NPR3: variants seen among roughly 807,000 people sequenced by gnomAD.
NPR3 encodes natriuretic peptide receptor 3, also known as atrial natriuretic peptide receptor 3.
NPR3 carries 34 observed loss-of-function variants against 54.5 expected under a neutral mutation model. The ratio of observed to expected loss-of-function variants is 0.62; its 90% CI spans 0.47 to 0.83. NPR3 has a LOEUF of 0.83. Among genes scored for constraint, NPR3 ranks in the 40% least tolerant of loss-of-function variants. NPR3 has a pLI of 0.00. For synonymous variants in NPR3, 289 were observed against 297.1 expected, an observed-to-expected ratio of 0.97 and a Z score of 0.28; for missense variants, 674 against 720.8, an observed-to-expected ratio of 0.94 and a Z score of 0.74.
At chr5:32,786,014 C>T (rs1244001789) in intron 7 of NPR3, among the ~76,000 whole-genome samples, 3 of 152,188 alleles carry the variant, frequency 2.0e-5, no homozygotes, top group African/African-American at 7.2e-5. Context: ...AAGGGGAAGG[C>T]TTGTTCTGTG....
intron 6 of NPR3, among the ~76,000 whole-genome samples, chr5:32,783,858 C>T (rs953321163): frequency 2.6e-5 from 4 of 152,088 alleles, no homozygotes; most frequent in African/African-American, 9.7e-5. Context: ...GAAATGTGCC[C>T]ACCTAAGCGT....
chr5:32,782,821 C>G, intron 5 of NPR3, 72 bp from the exon 6 acceptor site: 1 of 1,413,932 alleles, frequency 7.1e-7, no homozygotes, highest in African/African-American at 1.4e-5. Context: ...TGGGGAATAG[C>G]TGTGGAAGGC....
upstream of NPR3, among the ~76,000 whole-genome samples, chr5:32,707,458 T>C (rs894058021): frequency 4.6e-5 from 7 of 152,178 alleles, no homozygotes; most frequent in South Asian, 2.1e-4. Context: ...TGATTTTTTT[T>C]CCCCACTTCT....
chr5:32,765,560 C>T (rs1173731), intron 3 of NPR3, among the ~76,000 whole-genome samples: 7 of 152,110 alleles, frequency 4.6e-5, no homozygotes, highest in Non-Finnish European at 8.8e-5. Context: ...CCCAGTGTAA[C>T]AAAGATACCT....
At position 32,738,793 on chromosome 5, in the gene NPR3, A is replaced by T. The variant is rs1036706345; in HGVS notation, c.893-71A>T. Reference sequence around the variant, plus strand: ...AAAGTAACATGCGGGGGCGCCTCACAGTTGTGAAGGGAGAATGGCCTCTTT... The same window carrying T: ...AAAGTAACATGCGGGGGCGCCTCACTGTTGTGAAGGGAGAATGGCCTCTTT... On this transcript the variant is annotated intron_variant, in intron 2 of 7. Coordinates refer to ENST00000265074, the MANE Select transcript of NPR3 (RefSeq NM_001204375.2). The T allele has an allele frequency of 1.4e-5, 19 of 1,388,606 alleles. No homozygotes were observed. In the African/African-American group the frequency reaches 2.5e-4, roughly 18 times the overall value. 86.0% of individuals were successfully genotyped at this position (1,388,606 alleles called of 1,614,324 possible).
At chr5:32,738,544 C>T (rs1739871384) in intron 2 of NPR3, among the ~76,000 whole-genome samples, 1 of 152,172 alleles carries the variant, frequency 6.6e-6, no homozygotes, top group Admixed American at 6.5e-5. Flanking sequence ...GGAATAAAAA[C>T]TGAGTTCTTT....
chr5:32,725,093 A>G (rs905075584), intron 2 of NPR3, among the ~76,000 whole-genome samples: 1 of 150,686 alleles, frequency 6.6e-6, no homozygotes, highest in African/African-American at 2.4e-5. Flanking sequence ...GGACATAAAC[A>G]TGGGAACAAT....
intron 2 of NPR3, among the ~76,000 whole-genome samples, chr5:32,728,835 GTGTATATATATATATATATATA>G (rs59024857): frequency 0.043 from 2,598 of 60,742 alleles, 193 homozygotes; most frequent in African/African-American, 0.15. Context: ...GTGTGTGTGT[GTGTATATATATATATATATATA>G]TATATATATA....
chr5:32,766,516 T>C (rs1017927895), intron 3 of NPR3, among the ~76,000 whole-genome samples: 6 of 152,230 alleles, frequency 3.9e-5, no homozygotes, highest in African/African-American at 1.4e-4. Context: ...TTAGATTATA[T>C]AAAAAGTTTT....
chr5:32,736,183 A>G (rs1291199968), intron 2 of NPR3, among the ~76,000 whole-genome samples: 2 of 146,784 alleles, frequency 1.4e-5, no homozygotes, highest in Non-Finnish European at 3.0e-5. Context: ...GTGAGCTGAG[A>G]TCATGCCACT....
At chr5:32,695,978 T>G (rs905894828) in intron 1 of NPR3, among the ~76,000 whole-genome samples, 1 of 152,222 alleles carries the variant, frequency 6.6e-6, no homozygotes, top group African/African-American at 2.4e-5. Flanking sequence ...CGGGCTGCCT[T>G]CACTTTGTTG....
chr5:32,744,270 CGTGAG>C (rs1285791748), intron 3 of NPR3, among the ~76,000 whole-genome samples: 1 of 152,116 alleles, frequency 6.6e-6, no homozygotes, highest in African/African-American at 2.4e-5. Flanking sequence ...GGATTACAGG[CGTGAG>C]CCATCTCGCC....
chr5:32,766,440 C>A (rs1310758014), intron 3 of NPR3, among the ~76,000 whole-genome samples: 1 of 152,160 alleles, frequency 6.6e-6, no homozygotes, highest in Non-Finnish European at 1.5e-5. Context: ...TGACAGTCAG[C>A]ATGTTTCTGT....
intron 2 of NPR3, among the ~76,000 whole-genome samples, chr5:32,730,658 T>C (rs1318943405): frequency 6.6e-6 from 1 of 152,210 alleles, no homozygotes; most frequent in Non-Finnish European, 1.5e-5. Context: ...CAAAAATCAC[T>C]TGTGTTTCTA....
intron 3 of NPR3, among the ~76,000 whole-genome samples, chr5:32,743,242 A>G (rs1443864999): frequency 6.6e-6 from 1 of 152,184 alleles, no homozygotes; most frequent in Admixed American, 6.5e-5. Flanking sequence ...TGCAGTTTTA[A>G]GATGCAATAC....
chr5:32,722,679 T>A (rs760860717), intron 1 of NPR3, among the ~76,000 whole-genome samples: 21 of 152,184 alleles, frequency 1.4e-4, no homozygotes, highest in Non-Finnish European at 2.2e-4. Context: ...GGAATCCACA[T>A]TCTTCAAACT....
intron 3 of NPR3, among the ~76,000 whole-genome samples, chr5:32,757,901 G>A (rs557703926): frequency 7.0e-4 from 106 of 152,224 alleles, no homozygotes; most frequent in African/African-American, 2.2e-3. Context: ...GATGGATTAC[G>A]TTTATTGATT....
chr5:32,781,532 T>C (rs146805282), intron 5 of NPR3, among the ~76,000 whole-genome samples: 1 of 152,352 alleles, frequency 6.6e-6, no homozygotes, highest in East Asian at 1.9e-4. Context: ...TTTTCCTCTT[T>C]GTATGTATCA....
chr5:32,780,105 C>G (rs542771237), intron 4 of NPR3, among the ~76,000 whole-genome samples: 1 of 152,336 alleles, frequency 6.6e-6, no homozygotes, highest in African/African-American at 2.4e-5. Context: ...TTCAATTTAT[C>G]TTTGCCTCAG....
Sources: gnomAD v4.1 joint callset for allele counts (sites outside exome capture counted in the v4.1 genomes callset) on GRCh38, gnomAD v4.1.1 for gene constraint, MANE v1.5 for transcripts, NCBI Gene and HGNC (gene_info 2026-07-23, HGNC 2026-07-21) for gene names.